TUSC3: variants seen among roughly 807,000 people sequenced by gnomAD.
TUSC3 encodes the protein dolichyl-diphosphooligosaccharide--protein glycosyltransferase subunit TUSC3.
TUSC3 carries 45 observed loss-of-function variants against 44.8 expected under a neutral mutation model. The observed-to-expected ratio is 1.00, with a 90% CI of 0.79 to 1.29. The LOEUF (loss-of-function observed/expected upper bound fraction) is 1.29, where lower values mean the gene tolerates loss of function less well. TUSC3 is among the 50% of genes most tolerant of loss of function. TUSC3 has a pLI of 0.00. For synonymous variants in TUSC3, 212 were observed against 152.9 expected (o/e 1.39, Z -2.85); for missense variants, 519 against 437.9 (o/e 1.19, Z -1.65).
intron 2 of TUSC3, among the ~76,000 whole-genome samples, chr8:15,527,909 ATTTTC>A (rs1255131032): frequency 1.3e-5 from 2 of 152,198 alleles, no homozygotes; most frequent in African/African-American, 4.8e-5. Flanking sequence ...GAGTAAAACA[ATTTTC>A]TTTTAGTAAT....
chr8:15,529,671 C>T (rs1027677104), intron 2 of TUSC3, among the ~76,000 whole-genome samples: 2 of 151,678 alleles, frequency 1.3e-5, no homozygotes, highest in African/African-American at 4.8e-5. Context: ...AATATAAATG[C>T]CTAATATTTC....
At chr8:15,707,096 T>G (rs190513228) in intron 6 of TUSC3, among the ~76,000 whole-genome samples, 26 of 152,142 alleles carry the variant, frequency 1.7e-4, no homozygotes, top group Admixed American at 1.6e-3. Context: ...CATGGGTTAG[T>G]AGTTTACTAA....
At chr8:15,536,924 C>T (rs959428184), upstream of TUSC3, among the ~76,000 whole-genome samples, 2 of 151,898 alleles carry the variant, frequency 1.3e-5, no homozygotes, top group Non-Finnish European at 1.5e-5. Context: ...ACTTTTCATT[C>T]TGACTCTGGC....
chr8:15,623,797 A>G (rs113308221), intron 2 of TUSC3, among the ~76,000 whole-genome samples: 1 of 152,160 alleles, frequency 6.6e-6, no homozygotes, highest in Non-Finnish European at 1.5e-5. Flanking sequence ...TTTTGAAATA[A>G]TTGTAGGTAC....
At chr8:15,746,366 C>A (rs1811414706) in intron 8 of TUSC3, among the ~76,000 whole-genome samples, 1 of 152,020 alleles carries the variant, frequency 6.6e-6, no homozygotes, top group Admixed American at 6.6e-5. Context: ...AGCTGGAAAA[C>A]ATATTTTAAA....
chr8:15,678,246 A>G lies in TUSC3; in HGVS notation c.798+4410A>G, dbSNP rs895841346. Among the ~76,000 whole-genome samples, 9 of 152,276 alleles carry G rather than the reference A, an allele frequency of 5.9e-5. No individual in the cohort carries two copies. The East Asian group carries it at 1.4e-3, about 23-fold the overall frequency. ...GTTATTACTTCTCCAGCACTGGTGG[A>G]CTTTGTCTGTCAAAGAAAGCCATCT... On this transcript the variant is annotated intron_variant, in intron 6 of 10. Coordinates refer to ENST00000503731, the MANE Select transcript of TUSC3 (RefSeq NM_006765.4).
Position 15,764,507 on chromosome 8 carries a change from A to C in TUSC3, c.*351A>C. 2.9e-6 allele frequency: 1 copy of C among 341,048 alleles called. No individual in the cohort carries two copies. The highest frequency in any genetic ancestry group is 5.6e-6 in the Non-Finnish European group (1 of 180,022). 21.1% of individuals were successfully genotyped at this position (341,048 alleles called of 1,614,324 possible). On this transcript the variant is annotated 3_prime_UTR_variant, in exon 11 of 11. Coordinates refer to ENST00000503731, the MANE Select transcript of TUSC3 (RefSeq NM_006765.4). The stretch of plus-strand genomic sequence containing the variant: ...ATGAATTCATGTTTTAGAGCTGTTT[A>C]CTCATTAGTAAAGGACCGCAATGTT...
chr8:15,643,220 T>G (rs191280831), intron 2 of TUSC3, among the ~76,000 whole-genome samples: 1 of 152,230 alleles, frequency 6.6e-6, no homozygotes, highest in Non-Finnish European at 1.5e-5. Context: ...TGTGCTGAAC[T>G]GTGAGTCAGT....
At chr8:15,586,232 G>C (rs1042393484) in intron 1 of TUSC3, among the ~76,000 whole-genome samples, 11 of 151,936 alleles carry the variant, frequency 7.2e-5, no homozygotes, top group African/African-American at 2.4e-4. Flanking sequence ...TGAATGTTGT[G>C]AGTTAAGAAG....
chr8:15,608,070 T>G (rs1804610550), intron 1 of TUSC3, among the ~76,000 whole-genome samples: 1 of 152,180 alleles, frequency 6.6e-6, no homozygotes, highest in Admixed American at 6.6e-5. Flanking sequence ...AGTAGTTTAT[T>G]CTTGGTTTTA....
At position 15,703,028 on chromosome 8, in the gene TUSC3, A is replaced by G. The variant is rs922740368; in HGVS notation, c.799-27638A>G. On this transcript the variant is annotated intron_variant, in intron 6 of 10. Coordinates refer to ENST00000503731, the MANE Select transcript of TUSC3 (RefSeq NM_006765.4). ...GTGCAATGGAGGTAGTAGTGAGGCT[A>G]TCTTCTTATTGTTTGTTTAACTTAG... Among the ~76,000 whole-genome samples, 7 of 152,284 alleles carry G rather than the reference A, an allele frequency of 4.6e-5. No homozygotes were observed. In the South Asian group the frequency reaches 1.0e-3, roughly 23 times the overall value.
At chr8:15,514,468 A>C (rs1016121471) in intron 2 of TUSC3, among the ~76,000 whole-genome samples, 5 of 152,190 alleles carry the variant, frequency 3.3e-5, no homozygotes, top group Admixed American at 3.3e-4. Context: ...AAAAAATTTG[A>C]AGTATAAAAA....
the TUSC3 span, among the ~76,000 whole-genome samples, chr8:15,775,511 A>T: frequency 6.6e-6 from 1 of 151,978 alleles, no homozygotes; most frequent in Admixed American, 6.6e-5. Flanking sequence ...ATATAAAGGT[A>T]TTTTAACAAC....
intron 2 of TUSC3, among the ~76,000 whole-genome samples, chr8:15,629,281 A>T (rs1165295346): frequency 1.3e-5 from 2 of 152,078 alleles, no homozygotes; most frequent in African/African-American, 4.8e-5. Flanking sequence ...GATGATATGA[A>T]TTTCAAAGGG....
rs1008264370 is a variant in TUSC3 at position 15,526,602 on chromosome 8, T to C, written n.189+43119T>C. 2.6e-5 allele frequency among the ~76,000 whole-genome samples: 4 copies of C among 152,178 alleles called. No individual in the cohort carries two copies. The South Asian group carries it at 8.3e-4, about 31-fold the overall frequency. On this transcript the variant is annotated intron_variant and non_coding_transcript_variant, in intron 2 of 5. Transcript: ENST00000503191. ...GGTTTCCCCTTTCTCTTGGCTCTCA[T>C]TCTCTCGTCTGCCGCCATGTAAAAT...
At chr8:15,637,120 A>C (rs976011802) in intron 2 of TUSC3, among the ~76,000 whole-genome samples, 1 of 152,148 alleles carries the variant, frequency 6.6e-6, no homozygotes, top group South Asian at 2.1e-4. Flanking sequence ...ATTTTTAGAA[A>C]TGTTATTATA....
chr8:15,818,821 T>C, the TUSC3 span, among the ~76,000 whole-genome samples: 3 of 152,208 alleles, frequency 2.0e-5, no homozygotes, highest in Admixed American at 1.3e-4. Flanking sequence ...AAATCATACA[T>C]TAGTCATTCT....
chr8:15,739,333 G>A (rs572700405), intron 7 of TUSC3, among the ~76,000 whole-genome samples: 2 of 152,134 alleles, frequency 1.3e-5, no homozygotes, highest in East Asian at 3.9e-4. Context: ...TAGCTTTATA[G>A]GAGTGTAGTT....
Position 15,743,527 on chromosome 8 carries a change from A to G in TUSC3, c.863-11A>G, listed in dbSNP as rs1811282311. 1 of 1,613,908 alleles carries G rather than the reference A, an allele frequency of 6.2e-7. No individual in the cohort carries two copies. On this transcript the variant is annotated splice_polypyrimidine_tract_variant and intron_variant, in intron 7 of 10. Transcript: ENST00000503731. ...CATCTATGTCTACGGCTTCCTTGAC[A>G]ACTACTGCAGATGCCGCTATCACCA...
Sources: gnomAD v4.1 joint callset for allele counts (sites outside exome capture counted in the v4.1 genomes callset) on GRCh38, gnomAD v4.1.1 for gene constraint, MANE v1.5 for transcripts, NCBI Gene and HGNC (gene_info 2026-07-23, HGNC 2026-07-21) for gene names.